SIRT6: variants seen among roughly 807,000 people sequenced by gnomAD.
SIRT6 encodes the protein NAD-dependent protein deacylase sirtuin-6.
SIRT6 carries 21 observed loss-of-function variants against 33.6 expected under a neutral mutation model. The ratio of observed to expected loss-of-function variants is 0.62; its 90% CI spans 0.44 to 0.90. The LOEUF (loss-of-function observed/expected upper bound fraction) is 0.90, where lower values mean the gene tolerates loss of function less well. SIRT6 is among the 40% of genes least tolerant of loss of function. SIRT6 has a pLI of 0.00. For synonymous variants in SIRT6, 221 were observed against 223.9 expected, an observed-to-expected ratio of 0.99 and a Z score of 0.12; for missense variants, 504 against 510.6, an observed-to-expected ratio of 0.99 and a Z score of 0.12.
intron 1 of SIRT6, among the ~76,000 whole-genome samples, chr19:4,181,763 G>A (rs1251813335): frequency 6.6e-6 from 1 of 152,164 alleles, no homozygotes; most frequent in African/African-American, 2.4e-5. Context: ...CTGCACTCCA[G>A]CCTGGGCGAC....
Position 4,179,120 on chromosome 19 carries a change from G to A in SIRT6, c.361C>T (p.Arg121Cys), listed in dbSNP as rs779516683. The change falls in exon 3 of 8, where the codon CGC (arginine) becomes TGC (cysteine). Residue 121 changes from arginine (R) to cysteine (C), a missense_variant. By Grantham distance (180) the Arg-to-Cys change is radical. Coordinates refer to ENST00000337491, the MANE Select transcript of SIRT6 (RefSeq NM_016539.4). ...GGGTGTTACCTGGGGAAGCCTGAGC[G>A]CACATGGAGCCCGTCCACGTTCTGG... Reference protein sequence around the residue: ...VSQNVDGLHVRSGFPRDKLAE... With the variant: ...VSQNVDGLHVCSGFPRDKLAE... 11 of 1,611,932 alleles carry A rather than the reference G, an allele frequency of 6.8e-6. No homozygotes were observed. The highest frequency in any genetic ancestry group is 2.2e-5 in the South Asian group (2 of 90,738).
At chr19:4,177,557 TTTTA>T (rs1274325455) in intron 3 of SIRT6, among the ~76,000 whole-genome samples, 2 of 152,144 alleles carry the variant, frequency 1.3e-5, no homozygotes, top group South Asian at 2.1e-4. Context: ...CCCAGCTTTA[TTTTA>T]TTTATTTATT....
intron 4 of SIRT6, 76 bp from the exon 5 acceptor site, chr19:4,176,013 C>A: frequency 7.4e-7 from 1 of 1,350,718 alleles, no homozygotes. Flanking sequence ...TCTAGGGTGA[C>A]GTTCTCCCAG....
intron 6 of SIRT6, chr19:4,175,397 C>G (rs1461803158): frequency 1.6e-6 from 1 of 642,306 alleles, no homozygotes; most frequent in African/African-American, 1.8e-5. Flanking sequence ...GCTTGGACAC[C>G]TAGGGTGGGA....
chr19:4,179,302 C>CGGGAGAGATGGACG lies in SIRT6; in HGVS notation c.195-30_195-17dup. ...GTGGGGACCCCTGAAGGTGGCAGGC[C>CGGGAGAGATGGACG]GGGAGAGATGGACGGGGAGAGGGGA... On this transcript the variant is annotated splice_polypyrimidine_tract_variant and intron_variant, in intron 2 of 7. Transcript: ENST00000337491. The CGGGAGAGATGGACG allele has an allele frequency of 6.3e-7, 1 of 1,580,092 alleles. No homozygotes were observed. The highest frequency in any genetic ancestry group is 8.6e-7 in the Non-Finnish European group (1 of 1,161,704).
intron 3 of SIRT6, among the ~76,000 whole-genome samples, chr19:4,178,176 G>A (rs146241882): frequency 2.6e-5 from 4 of 151,750 alleles, no homozygotes; most frequent in African/African-American, 4.8e-5. Flanking sequence ...ACAGGCATGC[G>A]CCACCACGCC....
rs747077908 is a variant in SIRT6 at position 4,180,829 on chromosome 19, G to T, written c.147C>A (p.Phe49Leu). Residue 49 changes from phenylalanine to leucine, a missense_variant, in exon 2 of 8, where the codon TTC becomes TTA. By Grantham distance (22) the Phe-to-Leu change is conservative. Transcript: ENST00000337491. ...RLVWQSSSVV[F>L]HTGAGISTAS... ...CAGTGCTGATGCCGGCACCCGTGTG[G>T]AACACCACACTGGAAGACTGCCAGA... 1 of 1,613,688 alleles carries T rather than the reference G, an allele frequency of 6.2e-7. No individual in the cohort carries two copies. The highest frequency in any genetic ancestry group is 1.7e-5 in the Admixed American group (1 of 59,984).
At chr19:4,181,061 C>T (rs775417127) in intron 1 of SIRT6, 152 bp from the exon 2 acceptor site, 10 of 1,081,796 alleles carry the variant, frequency 9.2e-6, no homozygotes, top group Non-Finnish European at 1.2e-5. Flanking sequence ...CCTCTTCCTA[C>T]AACCTTCCAT....
At chr19:4,176,538 G>A (rs1036324328) in intron 4 of SIRT6, among the ~76,000 whole-genome samples, 33 of 152,142 alleles carry the variant, frequency 2.2e-4, no homozygotes, top group African/African-American at 7.0e-4. Flanking sequence ...GCAGTGAGCC[G>A]AGATTGCCCC....
intron 2 of SIRT6, among the ~76,000 whole-genome samples, chr19:4,179,985 G>C (rs1967528877): frequency 1.3e-5 from 2 of 152,026 alleles, no homozygotes; most frequent in Admixed American, 6.6e-5. Context: ...GCTGGGGCAG[G>C]AAGGGCTTCA....
At position 4,175,033 on chromosome 19, in the gene SIRT6, T is replaced by C. The variant is rs1967205893; in HGVS notation, c.733A>G (p.Lys245Glu). The C allele has an allele frequency of 1.3e-6, 2 of 1,595,504 alleles. No individual in the cohort carries two copies. The highest frequency in any genetic ancestry group is 1.3e-5 in the African/African-American group (1 of 74,516). ...RLVIVNLQPT[K>E]HDRHADLRIH... ...GGGTAGGCTCAGACACCTACGTGCTTGGTGGGCTGCAGGTTGACGATGACC... is the reference window on the plus strand; with the variant it reads ...GGGTAGGCTCAGACACCTACGTGCTCGGTGGGCTGCAGGTTGACGATGACC... Residue 245 changes from lysine (K) to glutamate (E), a missense_variant, in exon 7 of 8, where the codon AAG becomes GAG. By Grantham distance (56) the Lys-to-Glu change is moderately conservative. Transcript: ENST00000337491.
chr19:4,178,286 A>G (rs976038027), intron 3 of SIRT6, among the ~76,000 whole-genome samples: 3 of 151,910 alleles, frequency 2.0e-5, no homozygotes, highest in Non-Finnish European at 4.4e-5. Flanking sequence ...CGGCCTCCCA[A>G]AGTGCTGGGA....
rs1967150705 is a variant in SIRT6 at position 4,174,378 on chromosome 19, G to T, written c.*239C>A. 7.4e-6 allele frequency: 3 copies of T among 404,238 alleles called. No individual in the cohort carries two copies. The highest frequency in any genetic ancestry group is 4.4e-6 in the Non-Finnish European group (1 of 229,224). The allele number at this position is 404,238 out of a possible 1,614,324, so 25.0% of individuals were successfully genotyped here. On this transcript the variant is annotated 3_prime_UTR_variant, in exon 8 of 8. Transcript: ENST00000337491. The surrounding 1 kb of genome is among the most constrained non-coding windows in gnomAD (Gnocchi z 4.2). ...CCTCTGGACAACACAGCAAGTCAGA[G>T]GCTGGGGTGTGGCAGGGGCTCACCT...
At chr19:4,181,439 G>C (rs1318137469) in intron 1 of SIRT6, among the ~76,000 whole-genome samples, 1 of 152,196 alleles carries the variant, frequency 6.6e-6, no homozygotes, top group Non-Finnish European at 1.5e-5. Context: ...TGTGGCCTTA[G>C]TACCTAGAAA....
chr19:4,182,406 C>G, intron 1 of SIRT6, 68 bp downstream of exon 1: 2 of 1,493,546 alleles, frequency 1.3e-6, no homozygotes, highest in South Asian at 2.4e-5. Context: ...ACAATGCCCC[C>G]CTGCCATCCG....
chr19:4,178,978 C>T, intron 3 of SIRT6, 126 bp downstream of exon 3: 1 of 1,265,628 alleles, frequency 7.9e-7, no homozygotes, highest in Non-Finnish European at 1.1e-6. Context: ...GAGATCTCCA[C>T]ACACTGGGCC....
intron 1 of SIRT6, chr19:4,182,130 AGCCTG>A (rs1268267904): frequency 3.5e-6 from 1 of 284,304 alleles, no homozygotes; most frequent in African/African-American, 2.2e-5. Flanking sequence ...CCAACTCCCC[AGCCTG>A]GCATTTGAGC....
chr19:4,178,475 T>C lies in SIRT6; in HGVS notation c.377+629A>G, dbSNP rs1011543450. 5.3e-5 allele frequency among the ~76,000 whole-genome samples: 8 copies of C among 152,158 alleles called. No homozygotes were observed. In the East Asian group the frequency reaches 1.5e-3, roughly 29 times the overall value. ...GGGGCAGGGGAGGGCCACACTTTTA[T>C]TGGGAAATCAGCCTGCCCCAGAGCA... On this transcript the variant is annotated intron_variant, in intron 3 of 7. Coordinates refer to ENST00000337491, the MANE Select transcript of SIRT6 (RefSeq NM_016539.4).
intron 6 of SIRT6, 110 bp downstream of exon 6, chr19:4,175,570 C>A: frequency 1.8e-6 from 2 of 1,116,660 alleles, no homozygotes; most frequent in Non-Finnish European, 2.5e-6. Context: ...CAGGAAGCCT[C>A]CCCTCACTGC....
Sources: allele counts gnomAD v4.1 joint callset (sites outside exome capture counted in the v4.1 genomes callset), GRCh38; gene constraint gnomAD v4.1.1; non-coding constraint Gnocchi (gnomAD v3.1); transcripts MANE v1.5; gene names NCBI Gene and HGNC (gene_info 2026-07-23, HGNC 2026-07-21).